SERPINB2: variants seen among roughly 807,000 people sequenced by gnomAD.
SERPINB2 encodes serpin family B member 2.
A neutral mutation model predicts 39.4 loss-of-function variants in SERPINB2; 28 were observed. The observed-to-expected ratio is 0.71, with a 90% confidence interval of 0.53 to 0.97. The LOEUF is 0.97. SERPINB2 is among the 50% of genes least tolerant of loss of function. The pLI, the probability that SERPINB2 is intolerant of heterozygous loss-of-function variation, is 0.00. For synonymous variants in SERPINB2, 209 were observed against 175.1 expected, an observed-to-expected ratio of 1.19 and a Z score of -1.53; for missense variants, 557 against 505.3, an observed-to-expected ratio of 1.10 and a Z score of -0.98.
chr18:63,903,218 G>A lies in SERPINB2; in HGVS notation c.1161G>A (p.Gln387=), dbSNP rs1481905931. The A allele has an allele frequency of 2.5e-6, 4 of 1,608,176 alleles. No individual in the cohort carries two copies. Among genetic ancestry groups the A allele is most frequent in the Non-Finnish European group, 2.5e-6 (3 of 1,178,158 alleles). The part of the protein sequence containing the change: ...MTGRTGHGGP[Q]FVADHPFLFL... Reference sequence around the variant, plus strand: ...GGAGAACTGGACATGGAGGCCCACAGTTTGTGGCAGATCATCCTTTTCTTT... The same window carrying A: ...GGAGAACTGGACATGGAGGCCCACAATTTGTGGCAGATCATCCTTTTCTTT... The change falls in exon 8 of 8, where the codon CAG becomes CAA. Residue 387 remains glutamine (Q), a synonymous_variant. Coordinates refer to ENST00000299502, the MANE Select transcript of SERPINB2 (RefSeq NM_002575.3).
At chr18:63,890,260 A>G (rs1301572197) in intron 1 of SERPINB2, among the ~76,000 whole-genome samples, 1 of 152,196 alleles carries the variant, frequency 6.6e-6, no homozygotes, top group Non-Finnish European at 1.5e-5. Context: ...AGAAGCGACC[A>G]ATGGTCCTTG....
intron 2 of SERPINB2, among the ~76,000 whole-genome samples, chr18:63,893,013 AC>A (rs1304943592): frequency 6.6e-6 from 1 of 151,684 alleles, no homozygotes; most frequent in Non-Finnish European, 1.5e-5. Context: ...GCTCACTACA[AC>A]CTCCAACTCC....
Position 63,903,489 on chromosome 18 carries a change from C to A in SERPINB2, c.*184C>A. ...ACAATTGTCTATTATAACATGACAA[C>A]CCTATTAATCATTTGGTCTTCTAAA... is the stretch of plus-strand genomic sequence containing the variant. On this transcript the variant is annotated 3_prime_UTR_variant, in exon 8 of 8. Coordinates refer to ENST00000299502, the MANE Select transcript of SERPINB2 (RefSeq NM_002575.3). 2 of 455,144 alleles carry A rather than the reference C, an allele frequency of 4.4e-6. No individual in the cohort carries two copies. The highest frequency in any genetic ancestry group is 7.1e-6 in the Non-Finnish European group (2 of 279,876). 28.2% of individuals were successfully genotyped at this position (455,144 alleles called of 1,614,324 possible).
intron 5 of SERPINB2, among the ~76,000 whole-genome samples, chr18:63,901,174 G>T: frequency 6.6e-6 from 1 of 152,034 alleles, no homozygotes; most frequent in East Asian, 1.9e-4. Context: ...CTCAATTACA[G>T]AAGTTATCAC....
At chr18:63,900,527 G>C (rs191050907) in intron 5 of SERPINB2, among the ~76,000 whole-genome samples, 5 of 152,316 alleles carry the variant, frequency 3.3e-5, no homozygotes, top group African/African-American at 1.2e-4. Context: ...TGTGCTGAGA[G>C]GCACAGCTCA....
At chr18:63,901,911 G>A (rs753133848) in intron 6 of SERPINB2, 29 bp downstream of exon 6, 4 of 1,578,772 alleles carry the variant, frequency 2.5e-6, no homozygotes, top group African/African-American at 1.4e-5. Flanking sequence ...CATCTTCCTA[G>A]CATATATTTT....
At chr18:63,894,001 G>C (rs1388850399) in intron 2 of SERPINB2, among the ~76,000 whole-genome samples, 1 of 152,166 alleles carries the variant, frequency 6.6e-6, no homozygotes, top group Non-Finnish European at 1.5e-5. Context: ...GCATAGGTCT[G>C]TGGGAATTAG....
At chr18:63,900,245 T>C (rs2049983311) in intron 5 of SERPINB2, among the ~76,000 whole-genome samples, 1 of 152,116 alleles carries the variant, frequency 6.6e-6, no homozygotes, top group African/African-American at 2.4e-5. Flanking sequence ...TTTTATCATA[T>C]ACATCACAAC....
At chr18:63,894,253 T>C (rs1284396391) in intron 2 of SERPINB2, among the ~76,000 whole-genome samples, 1 of 138,290 alleles carries the variant, frequency 7.2e-6, no homozygotes, top group Non-Finnish European at 1.6e-5. Flanking sequence ...TAGGAAATCT[T>C]CTTCTTTTAC....
In SERPINB2 at chr18:63,902,904, G is replaced by A. The variant is rs766414350; in HGVS notation, c.847G>A (p.Glu283Lys). The change falls in exon 8 of 8, where the codon GAA (glutamate) becomes AAA (lysine). Residue 283 changes from glutamate (E) to lysine (K), a missense_variant. Physicochemically the swap from Glu to Lys is moderately conservative, Grantham distance 56. Coordinates refer to ENST00000299502, the MANE Select transcript of SERPINB2 (RefSeq NM_002575.3). ...TTTGTTTTGTTTTGCTTTGCAGCTG[G>A]AAAGTGAAATAACCTATGACAAACT... ...ADVSTGLELLESEITYDKLNK... is the reference protein window; with the variant it reads ...ADVSTGLELLKSEITYDKLNK... 2 of 1,583,212 alleles carry A rather than the reference G, an allele frequency of 1.3e-6. No individual in the cohort carries two copies. Among genetic ancestry groups the A allele is most frequent in the Non-Finnish European group, 8.6e-7 (1 of 1,163,878 alleles).
chr18:63,895,484 C>A, intron 3 of SERPINB2, 101 bp downstream of exon 3: 1 of 1,391,758 alleles, frequency 7.2e-7, no homozygotes, highest in Non-Finnish European at 1.0e-6. Context: ...AATATACCCT[C>A]CCCCATTCAC....
Position 63,901,753 on chromosome 18 carries a change from C to T in SERPINB2, c.549C>T (p.Asn183=), listed in dbSNP as rs2049992255. Reference sequence around the variant, plus strand: ...TGTTTTCTGTAGGCAAAATCCCAAACTTGTTACCTGAAGGTTCTGTAGATG... The same window carrying T: ...TGTTTTCTGTAGGCAAAATCCCAAATTTGTTACCTGAAGGTTCTGTAGATG... ...VKTQTKGKIP[N]LLPEGSVDGD... The change falls in exon 6 of 8, where the codon AAC becomes AAT. Residue 183 remains asparagine (N), a synonymous_variant. Transcript: ENST00000299502. The T allele has an allele frequency of 1.3e-6, 2 of 1,550,132 alleles. No homozygotes were observed. The highest frequency in any genetic ancestry group is 1.7e-6 in the Non-Finnish European group (2 of 1,159,504).
At position 63,895,114 on chromosome 18, in the gene SERPINB2, G is replaced by C. The variant is rs557250182; in HGVS notation, c.169-150G>C. On this transcript the variant is annotated intron_variant, in intron 2 of 7. Transcript: ENST00000299502. The stretch of plus-strand genomic sequence containing the variant: ...TTGGCTGATACTTTTATATTACACA[G>C]AAAGAGTATTGAGTATCTATGGTTG... The C allele has an allele frequency of 2.1e-3, 1,729 of 830,454 alleles. 7 individuals carry two copies. Among genetic ancestry groups the C allele is most frequent in the Middle Eastern group, 3.9e-3 (15 of 3,850 alleles). 51.4% of individuals were successfully genotyped at this position (830,454 alleles called of 1,614,324 possible). A position where few individuals can be genotyped will look rare whatever the true frequency, so the allele number is the denominator to read the frequency against.
chr18:63,894,316 G>A (rs1232196103), intron 2 of SERPINB2, among the ~76,000 whole-genome samples: 5 of 152,140 alleles, frequency 3.3e-5, no homozygotes, highest in African/African-American at 7.2e-5. Flanking sequence ...CAGGACTTAC[G>A]ATGTATGACT....
At chr18:63,890,148 A>G (rs2049916473) in intron 1 of SERPINB2, 1 of 152,224 alleles carries the variant, frequency 6.6e-6, no homozygotes, top group Admixed American at 6.5e-5. Context: ...TTGTCTTGAT[A>G]AAATAGTCTG....
In SERPINB2 at chr18:63,891,616, A is replaced by T; in HGVS notation, c.168+4A>T. 1 of 1,610,898 alleles carries T rather than the reference A, an allele frequency of 6.2e-7. No individual in the cohort carries two copies. Among genetic ancestry groups the T allele is most frequent in the Non-Finnish European group, 8.5e-7 (1 of 1,177,852 alleles). ...CACCGAAGACCAGATGGCCAAGGTG[A>T]GTTTGAGCTGAAGCTCCACATTTGG... On this transcript the variant is annotated splice_donor_region_variant and intron_variant, in intron 2 of 7. Transcript: ENST00000299502.
intron 5 of SERPINB2, among the ~76,000 whole-genome samples, chr18:63,898,118 A>G (rs1243032421): frequency 6.6e-6 from 1 of 152,242 alleles, no homozygotes; most frequent in Admixed American, 6.5e-5. Flanking sequence ...AGAAGCTTTC[A>G]AAATAGGAAA....
intron 1 of SERPINB2, 26 bp from the exon 2 acceptor site, chr18:63,891,410 T>C: frequency 6.2e-7 from 1 of 1,612,126 alleles, no homozygotes; most frequent in Non-Finnish European, 8.5e-7. Flanking sequence ...TCAGAGCTGT[T>C]TTTTTCTTCC....
At chr18:63,893,462 C>T (rs1477480973) in intron 2 of SERPINB2, among the ~76,000 whole-genome samples, 7 of 150,702 alleles carry the variant, frequency 4.6e-5, no homozygotes, top group Non-Finnish European at 8.8e-5. Context: ...CTATATATAT[C>T]GTCTTTTGAC....
Sources: gnomAD v4.1 joint callset for allele counts (sites outside exome capture counted in the v4.1 genomes callset) on GRCh38, gnomAD v4.1.1 for gene constraint, MANE v1.5 for transcripts, NCBI Gene and HGNC (gene_info 2026-07-23, HGNC 2026-07-21) for gene names.